Variants in DOCK8 observed in about 807,000 individuals in gnomAD.
DOCK8 encodes the protein dedicator of cytokinesis protein 8.
In DOCK8, 141 loss-of-function variants were observed where a neutral mutation model predicts 245.6. The observed-to-expected ratio is 0.57, with a 90% CI of 0.50 to 0.66. The LOEUF (loss-of-function observed/expected upper bound fraction) is 0.66, where lower values mean the gene tolerates loss of function less well. DOCK8 is among the 30% of genes least tolerant of loss of function. The pLI is 0.00. For synonymous variants in DOCK8, 1,168 were observed against 970.2 expected, an observed-to-expected ratio of 1.20 and a Z score of -3.79; for missense variants, 2,965 against 2,603.4, an observed-to-expected ratio of 1.14 and a Z score of -3.02.
chr9:386,556 C>CT, intron 23 of DOCK8, 130 bp downstream of exon 23: 1 of 757,468 alleles, frequency 1.3e-6, no homozygotes, highest in African/African-American at 1.7e-5. Flanking sequence ...ACACACACAC[C>CT]CCACACACAC....
At chr9:268,218 G>A (rs563691950) in intron 1 of DOCK8, 3 of 152,274 alleles carry the variant, frequency 2.0e-5, no homozygotes, top group African/African-American at 2.4e-5. Context: ...CAAACCATTC[G>A]TTTGTATTTG....
chr9:417,634 C>G (rs1451573576), intron 29 of DOCK8, among the ~76,000 whole-genome samples: 1 of 152,202 alleles, frequency 6.6e-6, no homozygotes, highest in Admixed American at 6.5e-5. Flanking sequence ...AATAAATTGA[C>G]ATTCATTTTA....
At chr9:400,215 T>TCACCACCACCACTGCCACC (rs2054785250) in intron 26 of DOCK8, among the ~76,000 whole-genome samples, 1 of 14,812 alleles carries the variant, frequency 6.8e-5, no homozygotes, top group Non-Finnish European at 1.2e-4. Context: ...CCACCTCCAC[T>TCACCACCACCACTGCCACC]ATCACCACCA....
In DOCK8 at chr9:403,858, A is replaced by ATCTCTCTC. The variant is rs749646963; in HGVS notation, c.3235-1032_3235-1025dup. Among the ~76,000 whole-genome samples, 116 of 83,932 alleles carry ATCTCTCTC rather than the reference A, an allele frequency of 1.4e-3. 1 individual carries two copies. Among genetic ancestry groups the ATCTCTCTC allele is most frequent in the Non-Finnish European group, 2.2e-3 (96 of 43,826 alleles). 55.1% of individuals were successfully genotyped at this position (83,932 alleles called of 152,430 possible). ...CCAGTTCAACAGAGCAAGACTCTGT[A>ATCTCTCTC]TCTCTCTCTCTCTCTCTCTCTCTCT... On this transcript the variant is annotated intron_variant, in intron 26 of 47. Coordinates refer to ENST00000432829, the MANE Select transcript of DOCK8 (RefSeq NM_203447.4).
chr9:325,896 G>C (rs1191491946), intron 8 of DOCK8, among the ~76,000 whole-genome samples, 159 bp downstream of exon 8: 1 of 152,232 alleles, frequency 6.6e-6, no homozygotes, highest in Non-Finnish European at 1.5e-5. Flanking sequence ...TTTTCAAGCA[G>C]TGGTCTGAGA....
At chr9:388,553 AT>A (rs756868705) in intron 23 of DOCK8, among the ~76,000 whole-genome samples, 663 of 144,300 alleles carry the variant, frequency 4.6e-3, no homozygotes, top group African/African-American at 7.5e-3. Flanking sequence ...TCTGTGGGTA[AT>A]TTTTTTTTTT....
chr9:447,131 A>G (rs1295710256), intron 44 of DOCK8, among the ~76,000 whole-genome samples: 1 of 152,094 alleles, frequency 6.6e-6, no homozygotes, highest in Admixed American at 6.6e-5. Context: ...CAAGCTACGT[A>G]CCTTCAGTTT....
In DOCK8 at chr9:273,245, A is replaced by G. The variant is rs966960994; in HGVS notation, c.156+1516A>G. On this transcript the variant is annotated intron_variant, in intron 2 of 47. Coordinates refer to ENST00000432829, the MANE Select transcript of DOCK8 (RefSeq NM_203447.4). The stretch of plus-strand genomic sequence containing the variant: ...TGCCATTTTTTCAGAAAATCTACTT[A>G]TGACTTCAGTGGCTTGCTAGACTGG... The G allele has an allele frequency of 2.7e-5, 13 of 480,864 alleles. No individual in the cohort carries two copies. The African/African-American group carries it at 2.7e-4, about 10-fold the overall frequency. The allele number at this position is 480,864 out of a possible 1,614,324, so 29.8% of individuals were successfully genotyped here. A position where few individuals can be genotyped will look rare whatever the true frequency, so the allele number is the denominator to read the frequency against.
intron 8 of DOCK8, 141 bp from the exon 9 acceptor site, chr9:327,881 C>G: frequency 1.3e-6 from 1 of 766,756 alleles, no homozygotes. Context: ...ATCCAGGAGC[C>G]ACTTTCCTAA....
intron 23 of DOCK8, among the ~76,000 whole-genome samples, chr9:388,355 C>G (rs554456069): frequency 6.6e-6 from 1 of 152,238 alleles, no homozygotes; most frequent in African/African-American, 2.4e-5. Flanking sequence ...CGAAGTGAAA[C>G]CAGTCGATAA....
chr9:400,036 ACCACCACCTCCACCATCACCACCTC>A (rs1564011726), intron 26 of DOCK8, among the ~76,000 whole-genome samples: 5 of 128,362 alleles, frequency 3.9e-5, no homozygotes, highest in African/African-American at 1.8e-4. Flanking sequence ...CACCATCACC[ACCACCACCTCCACCATCACCACCTC>A]CTTCACCATC....
chr9:302,599 A>C (rs1310242956), intron 4 of DOCK8, among the ~76,000 whole-genome samples: 1 of 152,198 alleles, frequency 6.6e-6, no homozygotes, highest in African/African-American at 2.4e-5. Flanking sequence ...GCAAACCGTA[A>C]ATCTGAAGAA....
chr9:428,223 G>A (rs1253041725), intron 34 of DOCK8, 139 bp from the exon 35 acceptor site: 31 of 1,286,884 alleles, frequency 2.4e-5, no homozygotes, highest in Non-Finnish European at 3.3e-5. Context: ...GTTAATGGAT[G>A]ATACCCATGG....
chr9:437,064 G>A (rs1406384504), intron 39 of DOCK8, among the ~76,000 whole-genome samples: 1 of 152,198 alleles, frequency 6.6e-6, no homozygotes, highest in African/African-American at 2.4e-5. Context: ...ATGTGTATGA[G>A]TGAATTCTTA....
At chr9:381,959 TA>T (rs74820255) in intron 21 of DOCK8, among the ~76,000 whole-genome samples, 325 of 142,548 alleles carry the variant, frequency 2.3e-3, no homozygotes, top group African/African-American at 2.4e-3. Context: ...GACCCTGTCT[TA>T]AAAAAAAAAA....
At chr9:356,725 G>A (rs1245127888) in intron 14 of DOCK8, among the ~76,000 whole-genome samples, 2 of 152,028 alleles carry the variant, frequency 1.3e-5, no homozygotes, top group African/African-American at 4.8e-5. Flanking sequence ...TGTAAGGAGG[G>A]AGGGTGAGTA....
intron 43 of DOCK8, 84 bp from the exon 44 acceptor site, chr9:446,286 T>C: frequency 8.7e-7 from 1 of 1,146,852 alleles, no homozygotes; most frequent in Non-Finnish European, 1.3e-6. Flanking sequence ...CGGCACGCCG[T>C]GTTCCTGCAT....
At chr9:379,693 A>C in intron 20 of DOCK8, 78 bp from the exon 21 acceptor site, 2 of 1,514,170 alleles carry the variant, frequency 1.3e-6, no homozygotes, top group Non-Finnish European at 1.8e-6. Flanking sequence ...ACTCATTGTC[A>C]CTGTCCTGGA....
intron 2 of DOCK8, chr9:284,639 G>T (rs1347375428): frequency 6.6e-6 from 1 of 152,114 alleles, no homozygotes; most frequent in Admixed American, 6.5e-5. Flanking sequence ...AGACACACGC[G>T]TGTGAATGTT....
Sources: gnomAD v4.1 joint callset for allele counts (sites outside exome capture counted in the v4.1 genomes callset) on GRCh38, gnomAD v4.1.1 for gene constraint, MANE v1.5 for transcripts, NCBI Gene and HGNC (gene_info 2026-07-23, HGNC 2026-07-21) for gene names.